The following SUGCT variants were observed in gnomAD, a reference collection of about 807,000 sequenced individuals.
The protein encoded by SUGCT is succinyl-CoA:glutarate-CoA transferase.
A neutral mutation model predicts 55.0 loss-of-function variants in SUGCT; 41 were observed. That is an observed-to-expected ratio of 0.74 (90% CI 0.58 to 0.97). The LOEUF is 0.97. SUGCT is among the 50% of genes least tolerant of loss of function. The pLI, the probability that SUGCT is intolerant of heterozygous loss-of-function variation, is 0.00. For synonymous variants in SUGCT, 187 were observed against 200.4 expected (o/e 0.93, Z 0.56); for missense variants, 568 against 547.8 (o/e 1.04, Z -0.37).
At chr7:40,469,549 T>C (rs1790297900) in intron 11 of SUGCT, among the ~76,000 whole-genome samples, 1 of 152,214 alleles carries the variant, frequency 6.6e-6, no homozygotes, top group Non-Finnish European at 1.5e-5. Context: ...GAAACACAGC[T>C]CTGGAAAGCA....
At chr7:40,449,895 T>C (rs920070711) in intron 10 of SUGCT, among the ~76,000 whole-genome samples, 1 of 152,206 alleles carries the variant, frequency 6.6e-6, no homozygotes, top group African/African-American at 2.4e-5. Flanking sequence ...ATTAAATTGT[T>C]CCTTCTCAAC....
At chr7:40,657,755 T>C (rs1197179933) in intron 12 of SUGCT, among the ~76,000 whole-genome samples, 2 of 152,212 alleles carry the variant, frequency 1.3e-5, no homozygotes, top group African/African-American at 4.8e-5. Flanking sequence ...ACGCTGATCT[T>C]GATCTCCTGA....
chr7:40,767,159 A>G (rs1788842607), intron 13 of SUGCT, among the ~76,000 whole-genome samples: 1 of 152,224 alleles, frequency 6.6e-6, no homozygotes, highest in Admixed American at 6.5e-5. Context: ...AAACCACAAC[A>G]CTAAAAACAA....
At chr7:40,427,819 G>C (rs75462979) in intron 9 of SUGCT, among the ~76,000 whole-genome samples, 3 of 152,092 alleles carry the variant, frequency 2.0e-5, no homozygotes, top group Non-Finnish European at 2.9e-5. Flanking sequence ...ATATGGTTTG[G>C]ATATTTTGTT....
intron 6 of SUGCT, among the ~76,000 whole-genome samples, chr7:40,215,729 G>A (rs1299952830): frequency 2.6e-5 from 4 of 151,998 alleles, no homozygotes; most frequent in Non-Finnish European, 4.4e-5. Flanking sequence ...GGGCGAGGTG[G>A]CGGGCGCCTG....
At chr7:40,606,258 A>G (rs576152799) in intron 12 of SUGCT, among the ~76,000 whole-genome samples, 1 of 152,206 alleles carries the variant, frequency 6.6e-6, no homozygotes, top group Non-Finnish European at 1.5e-5. Context: ...GGAGGATGAC[A>G]AAGAAGGAAG....
chr7:40,992,673 T>A, the SUGCT span, among the ~76,000 whole-genome samples: 2 of 148,858 alleles, frequency 1.3e-5, no homozygotes, highest in African/African-American at 5.0e-5. Context: ...ATGAAGTAGT[T>A]CTGGTTATAA....
At chr7:40,294,633 G>A (rs544141776) in intron 8 of SUGCT, among the ~76,000 whole-genome samples, 2 of 152,140 alleles carry the variant, frequency 1.3e-5, no homozygotes, top group South Asian at 2.1e-4. Flanking sequence ...TGCAACCTCC[G>A]CTTCTCAGGT....
intron 9 of SUGCT, among the ~76,000 whole-genome samples, chr7:40,445,821 A>G (rs1250116501): frequency 6.6e-6 from 1 of 152,186 alleles, no homozygotes; most frequent in African/African-American, 2.4e-5. Context: ...CAGGGAACAA[A>G]TAATTATTAA....
the SUGCT span, among the ~76,000 whole-genome samples, chr7:40,893,532 T>C: frequency 6.6e-6 from 1 of 152,048 alleles, no homozygotes; most frequent in African/African-American, 2.4e-5. Flanking sequence ...TAGAAAACAA[T>C]ATCATGAGGA....
intron 12 of SUGCT, among the ~76,000 whole-genome samples, chr7:40,563,553 A>AAG (rs1177061844): frequency 6.6e-6 from 1 of 151,720 alleles, no homozygotes; most frequent in Non-Finnish European, 1.5e-5. Context: ...AAAAAAAAAA[A>AAG]AGAGAGAGAA....
At position 40,319,685 on chromosome 7, in the gene SUGCT, A is replaced by G. The variant is rs565331380; in HGVS notation, c.816+2830A>G. Among the ~76,000 whole-genome samples the G allele has an allele frequency of 2.0e-5, 3 of 152,330 alleles. No individual in the cohort carries two copies. The East Asian group carries it at 5.8e-4, about 29-fold the overall frequency. On this transcript the variant is annotated intron_variant, in intron 9 of 13. Transcript: ENST00000335693. ...AACTTCTCAGATTGATTATCCTCTC[A>G]TGCCCTTTTCTTCCCTATTCTTTGG...
intron 12 of SUGCT, among the ~76,000 whole-genome samples, chr7:40,561,388 A>G (rs1795827207): frequency 6.6e-6 from 1 of 152,214 alleles, no homozygotes; most frequent in Non-Finnish European, 1.5e-5. Context: ...GAAATTGGAG[A>G]ACTGGGTTGC....
At chr7:40,416,654 G>A (rs927475765) in intron 9 of SUGCT, among the ~76,000 whole-genome samples, 5 of 151,866 alleles carry the variant, frequency 3.3e-5, no homozygotes, top group African/African-American at 1.2e-4. Context: ...GAAATCTTGC[G>A]AATATTGATT....
chr7:41,028,936 T>G, the SUGCT span, among the ~76,000 whole-genome samples: 1 of 152,184 alleles, frequency 6.6e-6, no homozygotes, highest in African/African-American at 2.4e-5. Context: ...CTCGGCAGTG[T>G]TAATTGGAAT....
chr7:40,994,604 T>A, the SUGCT span, among the ~76,000 whole-genome samples: 1 of 152,164 alleles, frequency 6.6e-6, no homozygotes, highest in African/African-American at 2.4e-5. Context: ...CCAGAGAAGG[T>A]ACAGAAGGAC....
intron 12 of SUGCT, among the ~76,000 whole-genome samples, chr7:40,715,595 C>T (rs1328450024): frequency 6.6e-6 from 1 of 152,186 alleles, no homozygotes; most frequent in African/African-American, 2.4e-5. Context: ...ATCTACCAAA[C>T]ATAAAAGCTA....
chr7:40,648,900 G>T (rs1390236424), intron 12 of SUGCT, among the ~76,000 whole-genome samples: 1 of 152,142 alleles, frequency 6.6e-6, no homozygotes, highest in Non-Finnish European at 1.5e-5. Flanking sequence ...ATACATTTTT[G>T]TGTTTTAAGC....
chr7:40,235,515 C>T (rs540428304), intron 6 of SUGCT, among the ~76,000 whole-genome samples: 4 of 152,154 alleles, frequency 2.6e-5, no homozygotes, highest in Admixed American at 6.6e-5. Context: ...TCAGTAGAGA[C>T]GGGGTTTCAC....
Sources: allele counts gnomAD v4.1 joint callset (sites outside exome capture counted in the v4.1 genomes callset), GRCh38; gene constraint gnomAD v4.1.1; transcripts MANE v1.5; gene names NCBI Gene and HGNC (gene_info 2026-07-23, HGNC 2026-07-21).